Variants in OR2L13 observed in about 807,000 individuals in gnomAD.
OR2L13 encodes the protein olfactory receptor family 2 subfamily L member 13.
A neutral mutation model predicts 15.3 loss-of-function variants in OR2L13; 14 were observed. The observed-to-expected ratio is 0.91, with a 90% CI of 0.60 to 1.43. OR2L13 has a LOEUF of 1.43. Among genes scored for constraint, OR2L13 ranks in the 40% most tolerant of loss-of-function variants. The probability of loss-of-function intolerance (pLI) is 0.00; values close to 1 mark genes in which losing one functional copy is unlikely to be tolerated. For missense variants in OR2L13, 367 were observed against 387.9 expected, an observed-to-expected ratio of 0.95 and a Z score of 0.45; for synonymous variants, 152 against 142.9, an observed-to-expected ratio of 1.06 and a Z score of -0.45.
At chr1:248,047,319 C>G in the OR2L13 span, among the ~76,000 whole-genome samples, 1 of 151,520 alleles carries the variant, frequency 6.6e-6, no homozygotes, top group East Asian at 1.9e-4. Flanking sequence ...CTTATTGCTA[C>G]TTCTCACTTT....
At chr1:248,071,158 G>C in the OR2L13 span, among the ~76,000 whole-genome samples, 1 of 152,084 alleles carries the variant, frequency 6.6e-6, no homozygotes, top group South Asian at 2.1e-4. Flanking sequence ...CCAAAGCCAG[G>C]CAGAGACACA....
At chr1:248,092,040 A>G (rs12038708), upstream of OR2L13, among the ~76,000 whole-genome samples, 12,333 of 152,054 alleles carry the variant, frequency 0.081, 637 homozygotes, top group African/African-American at 0.14. Context: ...TCATGGCCAT[A>G]GTGAATAGGA....
chr1:247,950,338 C>A, the OR2L13 span, among the ~76,000 whole-genome samples: 1 of 152,110 alleles, frequency 6.6e-6, no homozygotes, highest in African/African-American at 2.4e-5. Context: ...GTCCTGATAC[C>A]ACTCTGGATG....
the OR2L13 span, among the ~76,000 whole-genome samples, chr1:247,967,585 A>T: frequency 1.3e-5 from 2 of 152,096 alleles, no homozygotes; most frequent in Admixed American, 6.6e-5. Flanking sequence ...GATACTATTG[A>T]TGTTTTTTAG....
At chr1:248,068,442 CTGTT>C in the OR2L13 span, among the ~76,000 whole-genome samples, 1 of 152,182 alleles carries the variant, frequency 6.6e-6, no homozygotes, top group East Asian at 1.9e-4. Context: ...AGGGTCCTGT[CTGTT>C]AGAAGGAAAA....
the OR2L13 span, among the ~76,000 whole-genome samples, chr1:248,089,807 G>T: frequency 6.6e-6 from 1 of 152,140 alleles, no homozygotes; most frequent in Non-Finnish European, 1.5e-5. Flanking sequence ...TCTTCCTGAA[G>T]GTCCTGGAGG....
chr1:248,090,263 A>G (rs116539005), upstream of OR2L13, among the ~76,000 whole-genome samples: 6,514 of 150,444 alleles, frequency 0.043, 459 homozygotes, highest in African/African-American at 0.15. Context: ...TGTGTTTGCT[A>G]ACACAGAAGC....
chr1:247,996,270 C>T, the OR2L13 span, among the ~76,000 whole-genome samples: 2 of 151,900 alleles, frequency 1.3e-5, no homozygotes, highest in Admixed American at 1.3e-4. Context: ...GCGCCCTGCT[C>T]TTTTACAAAC....
the OR2L13 span, among the ~76,000 whole-genome samples, chr1:248,073,373 AG>A: frequency 6.6e-6 from 1 of 152,126 alleles, no homozygotes; most frequent in Non-Finnish European, 1.5e-5. Context: ...AGCTATCGCA[AG>A]GACAAAAAAC....
At chr1:248,025,547 C>T in the OR2L13 span, among the ~76,000 whole-genome samples, 1 of 149,220 alleles carries the variant, frequency 6.7e-6, no homozygotes, top group Admixed American at 6.6e-5. Context: ...GTGGCGATTC[C>T]TCAGGGATCT....
chr1:247,977,290 A>T, the OR2L13 span, among the ~76,000 whole-genome samples: 1 of 152,184 alleles, frequency 6.6e-6, no homozygotes, highest in African/African-American at 2.4e-5. Context: ...ATAGGAAAAA[A>T]GTTTTGTGTC....
chr1:247,949,836 T>C, the OR2L13 span: 2 of 1,489,908 alleles, frequency 1.3e-6, no homozygotes, highest in Non-Finnish European at 1.8e-6. Flanking sequence ...CAGATACACA[T>C]CCATTCAGCA....
chr1:248,054,773 A>G, the OR2L13 span, among the ~76,000 whole-genome samples: 1 of 152,230 alleles, frequency 6.6e-6, no homozygotes, highest in South Asian at 2.1e-4. Context: ...ATTGCTTGAG[A>G]TTTCTGCACA....
At chr1:248,091,795 A>G (rs921287982), upstream of OR2L13, among the ~76,000 whole-genome samples, 1 of 152,082 alleles carries the variant, frequency 6.6e-6, no homozygotes, top group Non-Finnish European at 1.5e-5. Context: ...TTCCATATGA[A>G]TTTTAAAATT....
chr1:248,003,077 T>G, the OR2L13 span: 1 of 900,064 alleles, frequency 1.1e-6, no homozygotes, highest in Non-Finnish European at 1.8e-6. Context: ...TAAGGATGAA[T>G]TTCTGTCTTA....
the OR2L13 span, chr1:248,035,458 A>G: frequency 6.6e-6 from 1 of 152,130 alleles, no homozygotes; most frequent in East Asian, 1.9e-4. Context: ...CAAAAAGAAA[A>G]AAAAAAGTGT....
At chr1:247,975,417 G>C in the OR2L13 span, 1 of 691,190 alleles carries the variant, frequency 1.4e-6, no homozygotes, top group Non-Finnish European at 2.7e-6. Flanking sequence ...CTGCAGAAGG[G>C]AGGAAGAAGG....
chr1:248,052,005 A>C, the OR2L13 span, among the ~76,000 whole-genome samples: 1 of 152,138 alleles, frequency 6.6e-6, no homozygotes, highest in Non-Finnish European at 1.5e-5. Context: ...TGATGACTTT[A>C]TGCAGATATT....
At chr1:248,072,256 C>T in the OR2L13 span, among the ~76,000 whole-genome samples, 2 of 152,208 alleles carry the variant, frequency 1.3e-5, no homozygotes, top group African/African-American at 4.8e-5. Context: ...ACCAAAACAG[C>T]ATGGTACTGG....
Sources: gnomAD v4.1 joint callset for allele counts (sites outside exome capture counted in the v4.1 genomes callset) on GRCh38, gnomAD v4.1.1 for gene constraint, MANE v1.5 for transcripts, NCBI Gene and HGNC (gene_info 2026-07-23, HGNC 2026-07-21) for gene names.